Variants in C17orf75 observed in about 807,000 individuals in gnomAD.
C17orf75 encodes chromosome 17 open reading frame 75.
C17orf75 carries 32 observed loss-of-function variants against 49.6 expected under a neutral mutation model. The ratio of observed to expected loss-of-function variants is 0.65; its 90% confidence interval spans 0.49 to 0.87. C17orf75 has a LOEUF of 0.87. Among genes scored for constraint, C17orf75 ranks in the 40% least tolerant of loss-of-function variants. The pLI is 0.00. For missense variants in C17orf75, 428 were observed against 473.9 expected, an observed-to-expected ratio of 0.90 and a Z score of 0.90; for synonymous variants, 158 against 159.5, an observed-to-expected ratio of 0.99 and a Z score of 0.07.
chr17:32,343,293 C>G (rs549884440), upstream of C17orf75, among the ~76,000 whole-genome samples: 1 of 146,292 alleles, frequency 6.8e-6, no homozygotes, highest in African/African-American at 2.7e-5. Context: ...TGTGTGCATG[C>G]GTGTGTTTTG....
intron 4 of C17orf75, 44 bp downstream of exon 4, chr17:32,338,164 C>A: frequency 6.3e-7 from 1 of 1,595,114 alleles, no homozygotes; most frequent in South Asian, 1.2e-5. Context: ...CCTGCCTTCC[C>A]ATGTTTTCCT....
chr17:32,346,490 G>C (rs550405067), upstream of C17orf75, among the ~76,000 whole-genome samples: 7 of 152,342 alleles, frequency 4.6e-5, no homozygotes, highest in African/African-American at 1.7e-4. Context: ...GGCTTCAAGT[G>C]ATTCTCCCAC....
At chr17:32,340,071 T>C in intron 2 of C17orf75, 133 bp from the exon 3 acceptor site, 7 of 1,033,464 alleles carry the variant, frequency 6.8e-6, no homozygotes, top group Non-Finnish European at 8.3e-6. Context: ...CCCCTATTGG[T>C]GAGGCTTCTA....
At chr17:32,343,685 T>C, upstream of C17orf75, 1 of 554,398 alleles carries the variant, frequency 1.8e-6, no homozygotes. Flanking sequence ...CATGTCTTCA[T>C]TCGCAATGGG....
In C17orf75 at chr17:32,338,253, T is replaced by C. The variant is rs1489264290; in HGVS notation, c.446A>G (p.Glu149Gly). Residue 149 changes from glutamate to glycine, a missense_variant, in exon 4 of 10, where the codon GAA becomes GGA. Physicochemically the swap from Glu to Gly is moderately conservative, Grantham distance 98. Coordinates refer to ENST00000577809, the MANE Select transcript of C17orf75 (RefSeq NM_022344.4). ...CCCTCCTAAAAAACAGACCACATAT[T>C]CTGAAGGGTTACGTTCAGAGTCTAT... ...VTIDSERNPS[E>G]YVVCFLGGSE... The C allele has an allele frequency of 1.2e-6, 2 of 1,613,164 alleles. No individual in the cohort carries two copies. Among genetic ancestry groups the C allele is most frequent in the East Asian group, 4.5e-5 (2 of 44,870 alleles).
At chr17:32,338,061 G>T (rs2041342762) in intron 4 of C17orf75, 107 bp from the exon 5 acceptor site, 2 of 1,521,192 alleles carry the variant, frequency 1.3e-6, no homozygotes, top group Non-Finnish European at 1.8e-6. Context: ...ATGCAAACAA[G>T]CCAAGGCAAA....
intron 1 of C17orf75, among the ~76,000 whole-genome samples, chr17:32,348,017 T>C (rs561065498): frequency 3.1e-4 from 47 of 151,774 alleles, no homozygotes; most frequent in African/African-American, 9.2e-4. Flanking sequence ...GCCTGAACTT[T>C]TTTTTTTTTT....
At chr17:32,348,665 G>A (rs1481640274) in intron 1 of C17orf75, among the ~76,000 whole-genome samples, 1 of 152,178 alleles carries the variant, frequency 6.6e-6, no homozygotes, top group Non-Finnish European at 1.5e-5. Context: ...GGCACTGGTG[G>A]ACTATGAACC....
At chr17:32,342,235 G>A, upstream of C17orf75, 1 of 1,383,002 alleles carries the variant, frequency 7.2e-7, no homozygotes, top group Non-Finnish European at 9.4e-7. Flanking sequence ...CCCGGCCCTC[G>A]CACACCTGCG....
In C17orf75 at chr17:32,341,405, C is replaced by A; in HGVS notation, c.141-121G>T. On this transcript the variant is annotated intron_variant, in intron 1 of 9. Coordinates refer to ENST00000577809, the MANE Select transcript of C17orf75 (RefSeq NM_022344.4). ...AAAAATGCTGCAAGGTGGAAGTGCA[C>A]TGCCTATCCTCATGACAAGGAAAAC... 4 of 917,082 alleles carry A rather than the reference C, an allele frequency of 4.4e-6. No homozygotes were observed. The South Asian group carries it at 5.4e-5, about 12-fold the overall frequency. The allele number at this position is 917,082 out of a possible 1,614,324, so 56.8% of individuals were successfully genotyped here.
chr17:32,346,169 C>G (rs575075756), upstream of C17orf75, among the ~76,000 whole-genome samples: 10 of 152,204 alleles, frequency 6.6e-5, no homozygotes, highest in East Asian at 1.4e-3. Flanking sequence ...GCTTGTTAAT[C>G]TTAACACTTA....
rs774742316 is a variant in C17orf75, at chr17:32,328,748, T to C, written c.*3015A>G. The C allele has an allele frequency of 1.3e-5, 2 of 152,034 alleles. No homozygotes were observed. Among genetic ancestry groups the C allele is most frequent in the African/African-American group, 4.8e-5 (2 of 41,390 alleles). The allele number at this position is 152,034 out of a possible 1,614,324, so 9.4% of individuals were successfully genotyped here. A position where few individuals can be genotyped will look rare whatever the true frequency, so the allele number is the denominator to read the frequency against. On this transcript the variant is annotated 3_prime_UTR_variant, in exon 10 of 10. Transcript: ENST00000577809. ...TACTAAAAATACAAAAAATTAGCCA[T>C]GCATGGTGGCACATGCCTGTAGTCC...
At chr17:32,343,082 G>C (rs1223948837), upstream of C17orf75, among the ~76,000 whole-genome samples, 1 of 152,148 alleles carries the variant, frequency 6.6e-6, no homozygotes, top group Non-Finnish European at 1.5e-5. Context: ...CCACGTGAAG[G>C]AGGAGGCAGA....
In C17orf75 at chr17:32,337,930, G is replaced by A. The variant is rs773140023; in HGVS notation, c.516C>T (p.Tyr172=). Residue 172 remains tyrosine (Y), a synonymous_variant, in exon 5 of 10, where the codon TAC becomes TAT. Coordinates refer to ENST00000577809, the MANE Select transcript of C17orf75 (RefSeq NM_022344.4). ...TCATGTTATTTTTCAGCCCTTGAAT[G>A]TACTTGTCCAATTCAAGCCTGAAAG... ...LELFRLELDK[Y]IQGLKNNMNC... 4.0e-5 allele frequency: 64 copies of A among 1,605,388 alleles called. No homozygotes were observed. Among genetic ancestry groups the A allele is most frequent in the Non-Finnish European group, 5.2e-5 (61 of 1,175,340 alleles).
In C17orf75 at chr17:32,335,428, C is replaced by T; in HGVS notation, c.564G>A (p.Glu188=). Residue 188 remains glutamate (E), a synonymous_variant, in exon 6 of 10, where the codon GAG becomes GAA. Transcript: ENST00000577809. ...TGCTCAGATAGGATTTTATGTGACT[C>T]TCCAGGCCCCTTGCCTAAATCAAGA... ...NNMNCEARGL[E]SHIKSYLSSW... 6.2e-7 allele frequency: 1 copy of T among 1,613,776 alleles called. No homozygotes were observed. Among genetic ancestry groups the T allele is most frequent in the Non-Finnish European group, 8.5e-7 (1 of 1,179,804 alleles).
intron 1 of C17orf75, among the ~76,000 whole-genome samples, chr17:32,347,976 C>A (rs1275337894): frequency 6.6e-6 from 1 of 151,982 alleles, no homozygotes; most frequent in Non-Finnish European, 1.5e-5. Flanking sequence ...TCCCAAAGCA[C>A]GGCAATTACA....
chr17:32,338,481 C>A, intron 3 of C17orf75, 130 bp from the exon 4 acceptor site: 1 of 859,428 alleles, frequency 1.2e-6, no homozygotes, highest in South Asian at 2.0e-5. Context: ...TCAGAGCTTC[C>A]CAGACTTCTC....
Position 32,338,199 on chromosome 17 carries a change from AAAGGATATAGCTCAAGTCCTT to A in C17orf75, c.479_491+8del. The A allele has an allele frequency of 6.2e-7, 1 of 1,605,870 alleles. No individual in the cohort carries two copies. The highest frequency in any genetic ancestry group is 8.5e-7 in the Non-Finnish European group (1 of 1,178,198). ...TTCCTGATGTTCTCAAAAACCAAAG[AAAGGATATAGCTCAAGTCCTT>A]TTTCAGACCCTCCTAAAAAACAGAC... On this transcript the variant is annotated splice_donor_variant and splice_donor_5th_base_variant and coding_sequence_variant and intron_variant, in exon 4 of 10. Transcript: ENST00000577809. LOFTEE classifies it high-confidence loss of function.
intron 1 of C17orf75, 52 bp downstream of exon 1, chr17:32,341,937 CGGCGGGCCGGG>C (rs1467784196): frequency 8.6e-7 from 1 of 1,162,582 alleles, no homozygotes; most frequent in Non-Finnish European, 1.1e-6. Flanking sequence ...CAAGGCCGGG[CGGCGGGCCGGG>C]GGCGGGGCCG....
Sources: gnomAD v4.1 joint callset for allele counts (sites outside exome capture counted in the v4.1 genomes callset) on GRCh38, gnomAD v4.1.1 for gene constraint, MANE v1.5 for transcripts, NCBI Gene and HGNC (gene_info 2026-07-23, HGNC 2026-07-21) for gene names.